The following LRRTM3 variants were observed in gnomAD, a reference collection of about 807,000 sequenced individuals.
The protein encoded by LRRTM3 is leucine rich repeat transmembrane neuronal 3.
A neutral mutation model predicts 44.7 loss-of-function variants in LRRTM3; 24 were observed. The ratio of observed to expected loss-of-function variants is 0.54; its 90% CI spans 0.39 to 0.76. The LOEUF is 0.76. Among genes scored for constraint, LRRTM3 ranks in the 30% least tolerant of loss-of-function variants. The pLI, the probability that LRRTM3 is intolerant of heterozygous loss-of-function variation, is 0.00. For missense variants in LRRTM3, 587 were observed against 702.2 expected, an observed-to-expected ratio of 0.84 and a Z score of 1.85; for synonymous variants, 277 against 278.7, an observed-to-expected ratio of 0.99 and a Z score of 0.06.
intron 2 of LRRTM3, among the ~76,000 whole-genome samples, chr10:66,941,837 A>G (rs778648258): frequency 6.6e-6 from 1 of 152,230 alleles, no homozygotes; most frequent in Non-Finnish European, 1.5e-5. Context: ...TTTTTATTAT[A>G]TCAGTACATC....
intron 2 of LRRTM3, among the ~76,000 whole-genome samples, chr10:66,971,462 G>T (rs1589520132): frequency 1.3e-5 from 2 of 152,026 alleles, no homozygotes. Flanking sequence ...CATAAACAGT[G>T]TTAGAATAAG....
intron 2 of LRRTM3, among the ~76,000 whole-genome samples, chr10:67,037,757 C>A (rs1214601423): frequency 6.6e-6 from 1 of 152,126 alleles, no homozygotes; most frequent in African/African-American, 2.4e-5. Flanking sequence ...TCAAGAATAA[C>A]TCCCAATTTT....
chr10:67,044,959 G>A (rs184839663), intron 2 of LRRTM3, among the ~76,000 whole-genome samples: 54 of 152,220 alleles, frequency 3.5e-4, no homozygotes, highest in East Asian at 2.3e-3. Context: ...AATAAGATTT[G>A]ATATTTAAAA....
intron 2 of LRRTM3, among the ~76,000 whole-genome samples, chr10:66,973,259 T>C (rs1292786045): frequency 6.6e-6 from 1 of 152,172 alleles, no homozygotes; most frequent in African/African-American, 2.4e-5. Context: ...GTAAAGACTA[T>C]AATGTATGAG....
chr10:67,095,626 A>G (rs1292132338), intron 2 of LRRTM3, among the ~76,000 whole-genome samples: 1 of 151,874 alleles, frequency 6.6e-6, no homozygotes, highest in African/African-American at 2.4e-5. Flanking sequence ...ATCACCATAG[A>G]AATTACAAAT....
chr10:67,059,465 T>C (rs893530126), intron 2 of LRRTM3, among the ~76,000 whole-genome samples: 10 of 152,196 alleles, frequency 6.6e-5, no homozygotes, highest in African/African-American at 2.2e-4. Context: ...AGACACTCGA[T>C]GGCAAGAATG....
chr10:67,030,035 T>C (rs1853622595), intron 2 of LRRTM3, among the ~76,000 whole-genome samples: 1 of 152,314 alleles, frequency 6.6e-6, no homozygotes. Flanking sequence ...GATAGGTAAA[T>C]AAAATTAATT....
chr10:66,989,846 T>C (rs1850944927), intron 2 of LRRTM3, among the ~76,000 whole-genome samples: 1 of 152,074 alleles, frequency 6.6e-6, no homozygotes, highest in African/African-American at 2.4e-5. Flanking sequence ...CTAGAGTAGA[T>C]CTCAAAGAAC....
intron 2 of LRRTM3, among the ~76,000 whole-genome samples, chr10:66,989,017 T>C (rs1442812846): frequency 6.6e-6 from 1 of 152,100 alleles, no homozygotes; most frequent in Non-Finnish European, 1.5e-5. Flanking sequence ...AAAAATCCCT[T>C]TTCTACCTCT....
intron 2 of LRRTM3, among the ~76,000 whole-genome samples, chr10:67,076,896 A>C (rs1856776294): frequency 6.6e-6 from 1 of 152,222 alleles, no homozygotes; most frequent in African/African-American, 2.4e-5. Flanking sequence ...TCTAGAATTG[A>C]ACAAAGTACC....
chr10:66,956,496 C>A (rs936016059), intron 2 of LRRTM3, among the ~76,000 whole-genome samples: 2 of 151,990 alleles, frequency 1.3e-5, no homozygotes, highest in East Asian at 3.8e-4. Flanking sequence ...AGGCAATAAA[C>A]AATAATTACA....
At chr10:67,034,219 C>T (rs983548302) in intron 2 of LRRTM3, among the ~76,000 whole-genome samples, 6 of 152,114 alleles carry the variant, frequency 3.9e-5, no homozygotes, top group East Asian at 3.9e-4. Flanking sequence ...CCAGGGCAAC[C>T]GGGATCACTT....
rs35411851 is a variant in LRRTM3 at position 67,074,034 on chromosome 10, C to CTTTTT, written c.1537-23537_1537-23533dup. On this transcript the variant is annotated intron_variant, in intron 2 of 2. Transcript: ENST00000361320. ...ATAATGCCAAGTAGCCATTTTAACT[C>CTTTTT]TTTTTTTTTTTTTTTTTTTTGAGAC... Among the ~76,000 whole-genome samples, 346 of 109,432 alleles carry CTTTTT rather than the reference C, an allele frequency of 3.2e-3. 20 individuals carry two copies. The highest frequency in any genetic ancestry group is 0.016 in the South Asian group (46 of 2,864). 71.8% of individuals were successfully genotyped at this position (109,432 alleles called of 152,430 possible).
chr10:66,971,298 A>G (rs113552695), intron 2 of LRRTM3, among the ~76,000 whole-genome samples: 2 of 151,804 alleles, frequency 1.3e-5, no homozygotes, highest in African/African-American at 4.8e-5. Flanking sequence ...TGGTTGTGTG[A>G]GCCTGTAATT....
chr10:66,993,927 T>C (rs920811920), intron 2 of LRRTM3, among the ~76,000 whole-genome samples: 1 of 152,216 alleles, frequency 6.6e-6, no homozygotes, highest in Non-Finnish European at 1.5e-5. Flanking sequence ...GACTAAGCTC[T>C]TTGGGCAAAT....
intron 2 of LRRTM3, among the ~76,000 whole-genome samples, chr10:66,990,495 A>AT (rs899750692): frequency 6.6e-6 from 1 of 152,246 alleles, no homozygotes; most frequent in Non-Finnish European, 1.5e-5. Flanking sequence ...ACCTATTTAG[A>AT]TTTTTTTGTA....
intron 2 of LRRTM3, among the ~76,000 whole-genome samples, chr10:67,045,355 G>A (rs148162346): frequency 9.5e-4 from 145 of 152,158 alleles, no homozygotes; most frequent in Middle Eastern, 6.8e-3. Context: ...CAGAAACCCT[G>A]GAGGTCACCA....
intron 2 of LRRTM3, among the ~76,000 whole-genome samples, chr10:67,084,224 T>C (rs560956328): frequency 2.0e-5 from 3 of 152,212 alleles, no homozygotes; most frequent in East Asian, 3.9e-4. Flanking sequence ...ATATGTATTG[T>C]TCCTTGAGTT....
intron 2 of LRRTM3, among the ~76,000 whole-genome samples, chr10:66,965,236 T>C (rs1849335468): frequency 6.6e-6 from 1 of 152,038 alleles, no homozygotes; most frequent in Non-Finnish European, 1.5e-5. Flanking sequence ...TTTGGGGTTT[T>C]TTTGTTTGTT....
Sources: allele counts gnomAD v4.1 joint callset (sites outside exome capture counted in the v4.1 genomes callset), GRCh38; gene constraint gnomAD v4.1.1; transcripts MANE v1.5; gene names NCBI Gene and HGNC (gene_info 2026-07-23, HGNC 2026-07-21).